Variants in HDAC9 observed in about 807,000 individuals in gnomAD.
HDAC9 encodes the protein MEF-2 interacting transcription repressor (MITR) protein.
A neutral mutation model predicts 139.4 loss-of-function variants in HDAC9; 41 were observed. The observed-to-expected ratio is 0.29, with a 90% CI of 0.23 to 0.38. The LOEUF is 0.38. HDAC9 is among the 10% of genes least tolerant of loss of function. The probability of loss-of-function intolerance (pLI) is 1.00; values close to 1 mark genes in which losing one functional copy is unlikely to be tolerated. For synonymous variants in HDAC9, 517 were observed against 476.2 expected (o/e 1.09, Z -1.12); for missense variants, 1,147 against 1,297.0 (o/e 0.88, Z 1.78).
chr7:18,941,099 A>T (rs568275155), intron 23 of HDAC9, among the ~76,000 whole-genome samples: 1 of 152,042 alleles, frequency 6.6e-6, no homozygotes, highest in Admixed American at 6.6e-5. Flanking sequence ...AGCATATAGC[A>T]TGTTTTGATT....
At chr7:18,426,122 CA>C (rs1163192181) in intron 1 of HDAC9, among the ~76,000 whole-genome samples, 1 of 152,184 alleles carries the variant, frequency 6.6e-6, no homozygotes, top group Admixed American at 6.5e-5. Context: ...CTGAATAAAT[CA>C]AGCATAATTA....
At chr7:18,106,480 T>A (rs1036045625) in intron 1 of HDAC9, among the ~76,000 whole-genome samples, 1 of 151,658 alleles carries the variant, frequency 6.6e-6, no homozygotes, top group Non-Finnish European at 1.5e-5. Context: ...TGAGATGGAG[T>A]CCCACTCTGT....
chr7:18,846,264 A>G (rs980986076), intron 21 of HDAC9, among the ~76,000 whole-genome samples: 1 of 152,148 alleles, frequency 6.6e-6, no homozygotes, highest in Non-Finnish European at 1.5e-5. Flanking sequence ...AAGAATTCAT[A>G]ATGTTCCCTA....
In HDAC9 at chr7:18,762,158, G is replaced by A. The variant is rs200831713; in HGVS notation, c.2045G>A (p.Arg682Gln). The change falls in exon 15 of 26, where the codon CGA (arginine) becomes CAA (glutamine). Residue 682 changes from arginine (R) to glutamine (Q), a missense_variant and splice_region_variant. Coordinates refer to ENST00000686413, the MANE Select transcript of HDAC9 (RefSeq NM_178425.4). ...TTGGCTTCTGCTATTTTCTTGCAGC[G>A]AATTCAAGGTCGAAAAGCCAGCCTG... ...QETGLLNKCE[R>Q]IQGRKASLEE... The A allele has an allele frequency of 1.5e-4, 240 of 1,613,376 alleles. 1 individual carries two copies. The highest frequency in any genetic ancestry group is 1.8e-4 in the Non-Finnish European group (215 of 1,179,588).
chr7:18,169,928 A>G (rs1205319690), intron 2 of HDAC9, among the ~76,000 whole-genome samples: 1 of 152,182 alleles, frequency 6.6e-6, no homozygotes, highest in Non-Finnish European at 1.5e-5. Context: ...ATACATGTGC[A>G]TGTGTCTTTA....
chr7:18,125,541 T>G (rs1784610600), intron 1 of HDAC9, among the ~76,000 whole-genome samples: 1 of 152,056 alleles, frequency 6.6e-6, no homozygotes, highest in South Asian at 2.1e-4. Flanking sequence ...TGAAGTACTG[T>G]GGTGATTTTA....
intron 2 of HDAC9, among the ~76,000 whole-genome samples, chr7:18,197,067 C>G (rs1045826017): frequency 3.3e-5 from 5 of 152,076 alleles, no homozygotes; most frequent in Admixed American, 2.6e-4. Context: ...GGCTGACCCC[C>G]CTTATGTAAG....
At chr7:18,484,067 C>G (rs1226878297) in intron 1 of HDAC9, among the ~76,000 whole-genome samples, 1 of 150,620 alleles carries the variant, frequency 6.6e-6, no homozygotes, top group Non-Finnish European at 1.5e-5. Flanking sequence ...TGTTATGGGG[C>G]TGGGCATGGT....
At chr7:18,945,517 A>T (rs890338492) in intron 23 of HDAC9, among the ~76,000 whole-genome samples, 1 of 152,218 alleles carries the variant, frequency 6.6e-6, no homozygotes, top group Non-Finnish European at 1.5e-5. Flanking sequence ...CTTTTCCTGT[A>T]GGATTGGTTC....
At chr7:18,306,823 C>T (rs193097437) in intron 1 of HDAC9, among the ~76,000 whole-genome samples, 84 of 152,198 alleles carry the variant, frequency 5.5e-4, no homozygotes, top group Admixed American at 4.3e-3. Flanking sequence ...TTTACTCACA[C>T]TCCTTTTTGC....
chr7:18,629,615 A>G, intron 7 of HDAC9, 134 bp downstream of exon 7: 1 of 866,024 alleles, frequency 1.2e-6, no homozygotes, highest in Non-Finnish European at 1.7e-6. Context: ...TTATATTGAA[A>G]ACTCACAAGT....
At chr7:18,530,074 G>A (rs1427241374) in intron 2 of HDAC9, among the ~76,000 whole-genome samples, 1 of 151,930 alleles carries the variant, frequency 6.6e-6, no homozygotes, top group African/African-American at 2.4e-5. Flanking sequence ...TTCAAGTGGA[G>A]TTTGAGACCA....
intron 13 of HDAC9, among the ~76,000 whole-genome samples, chr7:18,739,281 C>T (rs1330668930): frequency 2.6e-5 from 4 of 152,242 alleles, no homozygotes; most frequent in African/African-American, 9.6e-5. Flanking sequence ...ACAAATCATT[C>T]TCCATCCAGC....
At chr7:18,671,529 A>G (rs565473597) in intron 12 of HDAC9, among the ~76,000 whole-genome samples, 1 of 151,942 alleles carries the variant, frequency 6.6e-6, no homozygotes, top group Non-Finnish European at 1.5e-5. Flanking sequence ...CTTGTCTCCT[A>G]TTTTTGTATA....
At chr7:18,310,297 G>T (rs954096598) in intron 1 of HDAC9, among the ~76,000 whole-genome samples, 1 of 152,104 alleles carries the variant, frequency 6.6e-6, no homozygotes, top group East Asian at 1.9e-4. Flanking sequence ...ACACGGTTTT[G>T]AAAAACACTG....
intron 6 of HDAC9, among the ~76,000 whole-genome samples, chr7:18,625,390 G>A (rs930066394): frequency 1.3e-5 from 2 of 152,080 alleles, no homozygotes; most frequent in Non-Finnish European, 2.9e-5. Context: ...CCTGTCCCAG[G>A]GTTTCTCATA....
At chr7:18,115,038 T>G (rs1219954599) in intron 1 of HDAC9, among the ~76,000 whole-genome samples, 4 of 152,190 alleles carry the variant, frequency 2.6e-5, no homozygotes, top group Non-Finnish European at 4.4e-5. Flanking sequence ...ATGCCTGTAA[T>G]CCCAGCACTT....
intron 14 of HDAC9, 107 bp from the exon 15 acceptor site, chr7:18,762,050 A>G: frequency 8.5e-7 from 1 of 1,180,330 alleles, no homozygotes; most frequent in Non-Finnish European, 1.2e-6. Flanking sequence ...ACATTCCTAC[A>G]TGATGAAATT....
intron 12 of HDAC9, chr7:18,667,238 G>A (rs1233791299): frequency 1.0e-6 from 1 of 985,280 alleles, no homozygotes; most frequent in Non-Finnish European, 1.2e-6. Flanking sequence ...TGAAGCAGAT[G>A]CAAATGTTAG....
Sources: allele counts gnomAD v4.1 joint callset (sites outside exome capture counted in the v4.1 genomes callset), GRCh38; gene constraint gnomAD v4.1.1; transcripts MANE v1.5; gene names NCBI Gene and HGNC (gene_info 2026-07-23, HGNC 2026-07-21).